The following CAPS2 variants were observed in gnomAD, a reference collection of about 807,000 sequenced individuals.
CAPS2 encodes the protein calcyphosin-2.
A neutral mutation model predicts 86.5 loss-of-function variants in CAPS2; 98 were observed. The observed-to-expected ratio is 1.13, with a 90% CI of 0.96 to 1.34. The LOEUF is 1.34. Among genes scored for constraint, CAPS2 ranks in the 40% most tolerant of loss-of-function variants. The pLI is 0.00. For missense variants in CAPS2, 729 were observed against 686.8 expected (o/e 1.06, Z -0.69); for synonymous variants, 210 against 225.1 (o/e 0.93, Z 0.60).
intron 7 of CAPS2, among the ~76,000 whole-genome samples, chr12:75,310,922 C>T (rs2039085965): frequency 6.6e-6 from 1 of 152,124 alleles, no homozygotes; most frequent in South Asian, 2.1e-4. Context: ...AAGATCAAAC[C>T]TAAGACCATT....
chr12:75,277,684 C>T, exon 17 of CAPS2: 1 of 970,134 alleles, frequency 1.0e-6, no homozygotes, highest in Non-Finnish European at 1.2e-6. Flanking sequence ...CATGTTGCTG[C>T]CAAGTATAGA....
downstream of CAPS2, chr12:75,276,034 A>G (rs2032876783): frequency 1.1e-5 from 6 of 556,468 alleles, no homozygotes; most frequent in South Asian, 1.9e-4. Flanking sequence ...AGTTTACCTC[A>G]GAAGTTTATA....
At chr12:75,291,318 T>G in intron 13 of CAPS2, among the ~76,000 whole-genome samples, 1 of 151,320 alleles carries the variant, frequency 6.6e-6, no homozygotes, top group Non-Finnish European at 1.5e-5. Context: ...AAGACAAGTA[T>G]TATATTACAA....
At chr12:75,338,133 C>G (rs193131048) in intron 1 of CAPS2, among the ~76,000 whole-genome samples, 1 of 152,036 alleles carries the variant, frequency 6.6e-6, no homozygotes, top group Admixed American at 6.6e-5. Context: ...TACCCTGACA[C>G]CAAACCAGAA....
At position 75,341,458 on chromosome 12, in the gene CAPS2, T is replaced by C. The variant is rs551445313; in HGVS notation, c.-394-18236A>G. Among the ~76,000 whole-genome samples, 88 of 152,210 alleles carry C rather than the reference T, an allele frequency of 5.8e-4. 4 individuals are homozygous for C. The South Asian group carries it at 0.018, about 31-fold the overall frequency. ...AACATTCTTTTTTTCTTTTTCTTTT[T>C]TTCTTTGAAACGGAGTCTCGCTGTG... On this transcript the variant is annotated intron_variant, in intron 1 of 5. Coordinates refer to the CAPS2 transcript ENST00000551829.
At chr12:75,294,236 G>A (rs1320425169) in intron 11 of CAPS2, among the ~76,000 whole-genome samples, 2 of 152,130 alleles carry the variant, frequency 1.3e-5, no homozygotes, top group South Asian at 2.1e-4. Context: ...GAGCCACCAC[G>A]CCTGGCCAAC....
intron 8 of CAPS2, among the ~76,000 whole-genome samples, chr12:75,304,187 G>T (rs2038158868): frequency 6.6e-6 from 1 of 152,078 alleles, no homozygotes; most frequent in East Asian, 1.9e-4. Context: ...GGGACAAAAC[G>T]ATTAAAAAAA....
chr12:75,362,532 T>C (rs2139609099), intron 1 of CAPS2, among the ~76,000 whole-genome samples: 1 of 152,338 alleles, frequency 6.6e-6, no homozygotes, highest in South Asian at 2.1e-4. Flanking sequence ...TGGCATATTC[T>C]TTAATGGAAT....
chr12:75,329,601 A>C (rs1371641410), upstream of CAPS2, among the ~76,000 whole-genome samples: 1 of 152,150 alleles, frequency 6.6e-6, no homozygotes, highest in East Asian at 1.9e-4. Context: ...AGCAAAAAAT[A>C]AACTGATTTA....
At chr12:75,290,427 A>G (rs960230472) in intron 13 of CAPS2, among the ~76,000 whole-genome samples, 21 of 152,312 alleles carry the variant, frequency 1.4e-4, no homozygotes, top group Middle Eastern at 3.4e-3. Context: ...GTTATTAGAT[A>G]TAATACATGA....
chr12:75,369,551 CGAGAAATATTTG>C, intron 1 of CAPS2: 1 of 982,252 alleles, frequency 1.0e-6, no homozygotes, highest in African/African-American at 1.8e-5. Context: ...GAAAAGACAT[CGAGAAATATTTG>C]GAGTAAGGAC....
exon 14 of CAPS2, chr12:75,289,756 T>C (rs1212572977): frequency 1.6e-5 from 25 of 1,611,736 alleles, no homozygotes; most frequent in Non-Finnish European, 2.1e-5. Flanking sequence ...CTCTTTTATG[T>C]AGTTTTTCTT....
At position 75,372,473 on chromosome 12, in the gene CAPS2, C is replaced by T. The variant is rs554873714; in HGVS notation, c.-395+18365G>A. On this transcript the variant is annotated intron_variant, in intron 1 of 5. Coordinates refer to the CAPS2 transcript ENST00000551829. ...GTATCTCCTGGTGGCAGCATTTCTC[C>T]CTCTGGAACTAAGATCTGTAGACCA... Among the ~76,000 whole-genome samples the T allele has an allele frequency of 1.6e-4, 24 of 152,224 alleles. No homozygotes were observed. In the South Asian group the frequency reaches 5.0e-3, roughly 32 times the overall value.
intron 11 of CAPS2, among the ~76,000 whole-genome samples, chr12:75,296,592 T>C (rs2036932140): frequency 6.6e-6 from 1 of 152,260 alleles, no homozygotes; most frequent in Non-Finnish European, 1.5e-5. Flanking sequence ...GCACCCAGCG[T>C]GGTCTCACTT....
rs77969095 is a variant in CAPS2, at chr12:75,317,082, T to C, written c.469-648A>G. Among the ~76,000 whole-genome samples, 307 of 152,316 alleles carry C rather than the reference T, an allele frequency of 2.0e-3. 8 individuals are homozygous for C. In the East Asian group the frequency reaches 0.052, roughly 26 times the overall value. On this transcript the variant is annotated intron_variant, in intron 5 of 16. Coordinates refer to ENST00000393284, the Ensembl canonical transcript of CAPS2. Reference sequence around the variant, plus strand: ...CTTGAAAGGTCACACTCTATCTTAATACTCCTCTCTGTCTTTATGACCTTT... The same window carrying C: ...CTTGAAAGGTCACACTCTATCTTAACACTCCTCTCTGTCTTTATGACCTTT...
At chr12:75,277,425 CAAGA>C (rs2033125899) in exon 17 of CAPS2, 3 of 962,484 alleles carry the variant, frequency 3.1e-6, no homozygotes, top group South Asian at 9.6e-5. Context: ...TAAATTTTTC[CAAGA>C]AAAAGATATG....
At chr12:75,295,259 C>T (rs985623990) in intron 11 of CAPS2, 1 of 152,144 alleles carries the variant, frequency 6.6e-6, no homozygotes, top group African/African-American at 2.4e-5. Flanking sequence ...TTTACCTATA[C>T]TTCAAATTTA....
At chr12:75,294,970 G>A (rs1202633752) in intron 11 of CAPS2, 2 of 152,252 alleles carry the variant, frequency 1.3e-5, no homozygotes, top group Non-Finnish European at 2.9e-5. Context: ...TCACTGGGGA[G>A]AGGGAAATGG....
At chr12:75,381,327 A>G (rs1015014611) in intron 1 of CAPS2, among the ~76,000 whole-genome samples, 2 of 152,160 alleles carry the variant, frequency 1.3e-5, no homozygotes, top group African/African-American at 4.8e-5. Context: ...ACTAAGTCCA[A>G]TTAAACCTCT....
Sources: gnomAD v4.1 joint callset for allele counts (sites outside exome capture counted in the v4.1 genomes callset) on GRCh38, gnomAD v4.1.1 for gene constraint, MANE v1.5 for transcripts, NCBI Gene and HGNC (gene_info 2026-07-23, HGNC 2026-07-21) for gene names.